Variants in OLFML2A observed in about 807,000 individuals in gnomAD.
The protein encoded by OLFML2A is olfactomedin like 2A, also known as olfactomedin-like protein 2A.
In OLFML2A, 47 loss-of-function variants were observed where a neutral mutation model predicts 60.9. The ratio of observed to expected loss-of-function variants is 0.77; its 90% CI spans 0.61 to 0.98. The LOEUF (loss-of-function observed/expected upper bound fraction) is 0.98, where lower values mean the gene tolerates loss of function less well. OLFML2A is among the 50% of genes least tolerant of loss of function. The pLI is 0.00. For synonymous variants in OLFML2A, 372 were observed against 375.0 expected (o/e 0.99, Z 0.09); for missense variants, 922 against 879.8 (o/e 1.05, Z -0.61).
Position 124,810,458 on chromosome 9 carries a change from C to CT in OLFML2A, c.*49dup, listed in dbSNP as rs1564290651. On this transcript the variant is annotated 3_prime_UTR_variant, in exon 8 of 8. Coordinates refer to ENST00000373580, the MANE Select transcript of OLFML2A (RefSeq NM_182487.4). ...GAGAGGGGCAGCAGTGCGGGAGGGG[C>CT]TTTGCACAGCAGCTCCTGCAACTGA... The CT allele has an allele frequency of 6.5e-7, 1 of 1,528,900 alleles. No individual in the cohort carries two copies. Among genetic ancestry groups the CT allele is most frequent in the Non-Finnish European group, 8.8e-7 (1 of 1,140,632 alleles). 94.7% of individuals were successfully genotyped at this position (1,528,900 alleles called of 1,614,324 possible). A position where few individuals can be genotyped will look rare whatever the true frequency, so the allele number is the denominator to read the frequency against.
At chr9:124,788,897 T>C (rs1405518110) in intron 2 of OLFML2A, among the ~76,000 whole-genome samples, 2 of 152,168 alleles carry the variant, frequency 1.3e-5, no homozygotes, top group African/African-American at 4.8e-5. Context: ...GTCTTCCTTT[T>C]TGTAAAGGAC....
At chr9:124,792,908 G>C (rs1380492468) in intron 2 of OLFML2A, among the ~76,000 whole-genome samples, 2 of 130,834 alleles carry the variant, frequency 1.5e-5, no homozygotes, top group Non-Finnish European at 3.4e-5. Flanking sequence ...CAGAGCCCCA[G>C]GGGTCCCATG....
At chr9:124,778,660 G>A (rs532704053) in intron 1 of OLFML2A, among the ~76,000 whole-genome samples, 3 of 151,960 alleles carry the variant, frequency 2.0e-5, no homozygotes, top group African/African-American at 4.8e-5. Context: ...AGCCAGGTGT[G>A]GTGGTGCACA....
At chr9:124,808,017 A>AG in intron 7 of OLFML2A, 51 bp downstream of exon 7, 4 of 1,429,356 alleles carry the variant, frequency 2.8e-6, no homozygotes, top group Non-Finnish European at 3.9e-6. Context: ...CAACCTGGGG[A>AG]GGGGTCCTCA....
chr9:124,787,335 G>A lies in OLFML2A; in HGVS notation c.354+97G>A, dbSNP rs1841495679. 3.3e-6 allele frequency: 4 copies of A among 1,196,632 alleles called. No homozygotes were observed. In the Admixed American group the frequency reaches 6.0e-5, roughly 18 times the overall value. The allele number at this position is 1,196,632 out of a possible 1,614,324, so 74.1% of individuals were successfully genotyped here. A position where few individuals can be genotyped will look rare whatever the true frequency, so the allele number is the denominator to read the frequency against. ...ATTCCACACACTCTGTGAGGCGAGT[G>A]GTGTTACTGCCCCATTTCACAGATG... On this transcript the variant is annotated intron_variant, in intron 2 of 7. Coordinates refer to ENST00000373580, the MANE Select transcript of OLFML2A (RefSeq NM_182487.4).
At position 124,807,846 on chromosome 9, in the gene OLFML2A, G is replaced by C. The variant is rs770207276; in HGVS notation, c.1234G>C (p.Gly412Arg). ...VDPPVRHHSY[G>R]RHEGAWMKDP... ...CCCCCCTGTGAGGCACCACAGCTAT[G>C]GGCGCCACGAGGGAGCCTGGATGAA... The change falls in exon 7 of 8, where the codon GGG (glycine) becomes CGG (arginine). Residue 412 changes from glycine (G) to arginine (R), a missense_variant. Gly to Arg is a moderately radical substitution (Grantham distance 125, BLOSUM62 -2). Coordinates refer to ENST00000373580, the MANE Select transcript of OLFML2A (RefSeq NM_182487.4). The C allele has an allele frequency of 2.5e-6, 4 of 1,614,090 alleles. No individual in the cohort carries two copies. The South Asian group carries it at 4.4e-5, about 18-fold the overall frequency.
In OLFML2A at chr9:124,805,561, A is replaced by G. The variant is rs148166374; in HGVS notation, c.1168+1219A>G. On this transcript the variant is annotated intron_variant, in intron 6 of 7. Coordinates refer to ENST00000373580, the MANE Select transcript of OLFML2A (RefSeq NM_182487.4). ...AGTATGTCTGCATGACTGTACATGC[A>G]AAGAAAAAAGAAAAGGAAGGAAATG... 7.2e-3 allele frequency among the ~76,000 whole-genome samples: 1,093 copies of G among 152,286 alleles called. 15 individuals are homozygous for G. The highest frequency in any genetic ancestry group is 0.025 in the African/African-American group (1,041 of 41,542).
intron 2 of OLFML2A, among the ~76,000 whole-genome samples, chr9:124,792,967 G>A (rs886215294): frequency 2.0e-5 from 3 of 152,222 alleles, no homozygotes; most frequent in African/African-American, 7.2e-5. Flanking sequence ...AGAAGCCACT[G>A]AGCCTATCTT....
chr9:124,777,415 C>A lies in OLFML2A; in HGVS notation c.90+55C>A. The A allele has an allele frequency of 8.2e-7, 1 of 1,222,188 alleles. No individual in the cohort carries two copies. Among genetic ancestry groups the A allele is most frequent in the Non-Finnish European group, 1.0e-6 (1 of 980,654 alleles). The allele number at this position is 1,222,188 out of a possible 1,614,324, so 75.7% of individuals were successfully genotyped here. A position where few individuals can be genotyped will look rare whatever the true frequency, so the allele number is the denominator to read the frequency against. ...CGGCGGGTAGCGGGGCGCGAGGGGG[C>A]GCTGTGGCTGGGGTGCGGCCCGGGA... On this transcript the variant is annotated intron_variant, in intron 1 of 7. Transcript: ENST00000373580. The surrounding 1 kb of genome is among the most constrained non-coding windows in gnomAD (Gnocchi z 6.2).
rs1428447897 is a variant in OLFML2A, at chr9:124,812,736, A to G, written c.*2324A>G. 1 of 152,144 alleles carries G rather than the reference A, an allele frequency of 6.6e-6. No homozygotes were observed. Among genetic ancestry groups the G allele is most frequent in the Non-Finnish European group, 1.5e-5 (1 of 68,038 alleles). 9.4% of individuals were successfully genotyped at this position (152,144 alleles called of 1,614,324 possible). ...TCTTTCATGACATCATAGCCCAACC[A>G]TGTGAGAAGAAGGAGAAGGCCCCCC... On this transcript the variant is annotated 3_prime_UTR_variant, in exon 8 of 8. Transcript: ENST00000373580.
chr9:124,800,929 T>A, intron 4 of OLFML2A: 1 of 1,540,730 alleles, frequency 6.5e-7, no homozygotes, highest in Non-Finnish European at 8.8e-7. Context: ...GACTTGAGGG[T>A]TTTTCCAGGA....
At position 124,807,975 on chromosome 9, in the gene OLFML2A, C is replaced by A. The variant is rs757608684; in HGVS notation, c.1354+9C>A. On this transcript the variant is annotated intron_variant, in intron 7 of 7. Coordinates refer to ENST00000373580, the MANE Select transcript of OLFML2A (RefSeq NM_182487.4). ...GGAAAACTTCAAGCAAGGTCAGGGA[C>A]CCCCGGAGGTGGAGAGGGGGCTGGG... The A allele has an allele frequency of 9.9e-6, 16 of 1,610,852 alleles. No homozygotes were observed. The highest frequency in any genetic ancestry group is 3.3e-5 in the Admixed American group (2 of 59,904).
At chr9:124,790,806 C>T (rs1408439230) in intron 2 of OLFML2A, among the ~76,000 whole-genome samples, 1 of 152,072 alleles carries the variant, frequency 6.6e-6, no homozygotes, top group Non-Finnish European at 1.5e-5. Flanking sequence ...AGGACATTCT[C>T]TATAAGCATC....
chr9:124,786,644 C>A (rs1841475828), intron 1 of OLFML2A, among the ~76,000 whole-genome samples: 1 of 151,510 alleles, frequency 6.6e-6, no homozygotes, highest in Non-Finnish European at 1.5e-5. Context: ...TGGCGTGAAC[C>A]CAGGAGGCGG....
Position 124,803,818 on chromosome 9 carries a change from C to T in OLFML2A, c.920-276C>T, listed in dbSNP as rs558357564. 3.3e-5 allele frequency among the ~76,000 whole-genome samples: 5 copies of T among 152,376 alleles called. No individual in the cohort carries two copies. In the East Asian group the frequency reaches 9.6e-4, roughly 29 times the overall value. On this transcript the variant is annotated intron_variant, in intron 5 of 7. Coordinates refer to ENST00000373580, the MANE Select transcript of OLFML2A (RefSeq NM_182487.4). ...TTCTGTAGTCAACACCACAGTCCAG[C>T]ATGGTGGGCTCCTGACTCTCAGTTC...
At position 124,813,154 on chromosome 9, in the gene OLFML2A, G is replaced by A. The variant is rs981303631; in HGVS notation, c.*2742G>A. 2 of 152,108 alleles carry A rather than the reference G, an allele frequency of 1.3e-5. No individual in the cohort carries two copies. Among genetic ancestry groups the A allele is most frequent in the Non-Finnish European group, 2.9e-5 (2 of 68,048 alleles). 9.4% of individuals were successfully genotyped at this position (152,108 alleles called of 1,614,324 possible). A position where few individuals can be genotyped will look rare whatever the true frequency, so the allele number is the denominator to read the frequency against. ...AGTAGAGACAGGATTTCACCATGTT[G>A]GCCAGGCCAGTCTCAAACTCCTGAC... On this transcript the variant is annotated 3_prime_UTR_variant, in exon 8 of 8. Coordinates refer to ENST00000373580, the MANE Select transcript of OLFML2A (RefSeq NM_182487.4).
intron 2 of OLFML2A, among the ~76,000 whole-genome samples, chr9:124,790,198 T>A (rs571283682): frequency 6.6e-6 from 1 of 152,078 alleles, no homozygotes; most frequent in South Asian, 2.1e-4. Flanking sequence ...GACAGAGTCT[T>A]ACTTTACCGC....
At chr9:124,792,460 C>T (rs945248752) in intron 2 of OLFML2A, among the ~76,000 whole-genome samples, 1 of 152,168 alleles carries the variant, frequency 6.6e-6, no homozygotes, top group Non-Finnish European at 1.5e-5. Flanking sequence ...GTTGCTGTGT[C>T]CTTGGCAGTC....
At chr9:124,807,731 G>C in intron 6 of OLFML2A, 50 bp from the exon 7 acceptor site, 1 of 1,461,580 alleles carries the variant, frequency 6.8e-7, no homozygotes, top group Non-Finnish European at 9.2e-7. Context: ...TGCTCTGGCT[G>C]GGGGGCTTGG....
Sources: allele counts gnomAD v4.1 joint callset (sites outside exome capture counted in the v4.1 genomes callset), GRCh38; gene constraint gnomAD v4.1.1; non-coding constraint Gnocchi (gnomAD v3.1); transcripts MANE v1.5; gene names NCBI Gene and HGNC (gene_info 2026-07-23, HGNC 2026-07-21).